Variants in FGF10 observed in about 807,000 individuals in gnomAD.
FGF10 encodes fibroblast growth factor 10, also known as FGF-10.
FGF10 carries 2 observed loss-of-function variants against 19.8 expected under a neutral mutation model. The ratio of observed to expected loss-of-function variants is 0.10; its 90% CI spans 0.04 to 0.32. FGF10 has a LOEUF of 0.32. Among genes scored for constraint, FGF10 ranks in the 10% least tolerant of loss-of-function variants. The pLI is 1.00. For synonymous variants in FGF10, 112 were observed against 94.0 expected, an observed-to-expected ratio of 1.19 and a Z score of -1.10; for missense variants, 191 against 246.3, an observed-to-expected ratio of 0.78 and a Z score of 1.50.
At chr5:44,317,722 A>C in intron 1 of FGF10, among the ~76,000 whole-genome samples, 1 of 152,156 alleles carries the variant, frequency 6.6e-6, no homozygotes, top group East Asian at 1.9e-4. Context: ...GGTAAACTTG[A>C]CTTTTTTTTT....
chr5:44,388,325 T>C (rs756978392), intron 1 of FGF10, 33 bp downstream of exon 1: 6 of 1,600,056 alleles, frequency 3.7e-6, no homozygotes, highest in African/African-American at 2.7e-5. Flanking sequence ...GGGTGGATAA[T>C]TGGAAGGAGG....
chr5:44,309,313 G>T (rs951270251), intron 2 of FGF10, among the ~76,000 whole-genome samples: 1 of 152,054 alleles, frequency 6.6e-6, no homozygotes, highest in Admixed American at 6.6e-5. Flanking sequence ...CTGTCTCTGG[G>T]AGGGACACAA....
chr5:44,322,843 T>A (rs1277738073), intron 1 of FGF10, among the ~76,000 whole-genome samples: 1 of 151,888 alleles, frequency 6.6e-6, no homozygotes, highest in Non-Finnish European at 1.5e-5. Flanking sequence ...TATAATTATG[T>A]TATTATATAT....
intron 1 of FGF10, among the ~76,000 whole-genome samples, chr5:44,325,066 A>G (rs949976956): frequency 1.3e-5 from 2 of 152,210 alleles, no homozygotes; most frequent in Non-Finnish European, 2.9e-5. Context: ...TAGTGTCATA[A>G]TAAGTGGGCG....
chr5:44,324,051 C>T (rs1243636276), intron 1 of FGF10, among the ~76,000 whole-genome samples: 1 of 151,990 alleles, frequency 6.6e-6, no homozygotes, highest in East Asian at 1.9e-4. Flanking sequence ...TCATACTCCT[C>T]TTGGTGTCTT....
chr5:44,344,208 C>G (rs1402393271), intron 1 of FGF10, among the ~76,000 whole-genome samples: 1 of 151,904 alleles, frequency 6.6e-6, no homozygotes, highest in Non-Finnish European at 1.5e-5. Flanking sequence ...GCTGTCAGCT[C>G]CAAGTCTGAG....
rs966548572 is a variant in FGF10, at chr5:44,301,601, T to C, written c.*3394A>G. ...CTCGTTTCCAATTCATTTTTCTTTA[T>C]CCACTGTGTAAATTAGGTGGACCTG... On this transcript the variant is annotated 3_prime_UTR_variant, in exon 3 of 3. Coordinates refer to ENST00000264664, the MANE Select transcript of FGF10 (RefSeq NM_004465.2). Among the ~76,000 whole-genome samples the C allele has an allele frequency of 6.6e-6, 1 of 152,240 alleles. No homozygotes were observed. Among genetic ancestry groups the C allele is most frequent in the Non-Finnish European group, 1.5e-5 (1 of 68,038 alleles).
At chr5:44,320,254 C>T (rs1217091267) in intron 1 of FGF10, among the ~76,000 whole-genome samples, 1 of 152,156 alleles carries the variant, frequency 6.6e-6, no homozygotes, top group Non-Finnish European at 1.5e-5. Flanking sequence ...ATCTGTGCTG[C>T]ATCTGGTGTC....
chr5:44,347,142 T>C (rs920478816), intron 1 of FGF10, among the ~76,000 whole-genome samples: 4 of 151,648 alleles, frequency 2.6e-5, no homozygotes, highest in African/African-American at 9.7e-5. Context: ...AAATAGATAA[T>C]TGAATGAATG....
intron 1 of FGF10, among the ~76,000 whole-genome samples, chr5:44,317,144 C>T (rs1314208079): frequency 2.0e-5 from 3 of 152,152 alleles, no homozygotes; most frequent in Non-Finnish European, 1.5e-5. Flanking sequence ...TCTAGTCCAC[C>T]TCCTACCATT....
At chr5:44,372,129 C>A (rs776641905) in intron 1 of FGF10, among the ~76,000 whole-genome samples, 8 of 152,210 alleles carry the variant, frequency 5.3e-5, no homozygotes, top group Non-Finnish European at 8.8e-5. Flanking sequence ...CTGTTTCCCT[C>A]GGCTGAAATT....
At chr5:44,360,804 C>G (rs1022599370) in intron 1 of FGF10, among the ~76,000 whole-genome samples, 1 of 151,632 alleles carries the variant, frequency 6.6e-6, no homozygotes, top group Admixed American at 6.6e-5. Flanking sequence ...TAAAAAGAAG[C>G]AAGTCACCTG....
chr5:44,312,508 A>C (rs1740237070), intron 1 of FGF10, among the ~76,000 whole-genome samples: 1 of 152,098 alleles, frequency 6.6e-6, no homozygotes, highest in Non-Finnish European at 1.5e-5. Flanking sequence ...CCATCTGACA[A>C]AATGACTCAT....
At chr5:44,325,168 A>G (rs1451060559) in intron 1 of FGF10, among the ~76,000 whole-genome samples, 1 of 152,212 alleles carries the variant, frequency 6.6e-6, no homozygotes, top group Non-Finnish European at 1.5e-5. Context: ...AGAAATGCAA[A>G]TCAAAACCAC....
intron 1 of FGF10, among the ~76,000 whole-genome samples, chr5:44,346,697 A>G (rs570066104): frequency 5.3e-5 from 8 of 152,000 alleles, no homozygotes; most frequent in Non-Finnish European, 8.8e-5. Flanking sequence ...AAATAATCTG[A>G]TACAAATAAT....
At chr5:44,344,810 A>G (rs532000853) in intron 1 of FGF10, among the ~76,000 whole-genome samples, 47 of 151,908 alleles carry the variant, frequency 3.1e-4, no homozygotes, top group Non-Finnish European at 5.3e-4. Flanking sequence ...GAAGTTTTGG[A>G]ACTTTCAAAG....
intron 1 of FGF10, among the ~76,000 whole-genome samples, chr5:44,344,283 T>TGGGTG (rs1741034585): frequency 6.6e-6 from 1 of 150,928 alleles, no homozygotes; most frequent in African/African-American, 2.5e-5. Flanking sequence ...TTTTATGGAT[T>TGGGTG]CATGCTTGAA....
chr5:44,327,350 T>G (rs1740638491), intron 1 of FGF10, among the ~76,000 whole-genome samples: 1 of 152,168 alleles, frequency 6.6e-6, no homozygotes, highest in Non-Finnish European at 1.5e-5. Context: ...ATTATTCTGC[T>G]CAGTCTTTTT....
chr5:44,386,324 C>G (rs1742096470), intron 1 of FGF10, among the ~76,000 whole-genome samples: 1 of 152,066 alleles, frequency 6.6e-6, no homozygotes, highest in African/African-American at 2.4e-5. Flanking sequence ...AAGTATAGCA[C>G]AAACATTTTT....
Sources: gnomAD v4.1 joint callset for allele counts (sites outside exome capture counted in the v4.1 genomes callset) on GRCh38, gnomAD v4.1.1 for gene constraint, MANE v1.5 for transcripts, NCBI Gene and HGNC (gene_info 2026-07-23, HGNC 2026-07-21) for gene names.